Variants in TTC17 observed in about 807,000 individuals in gnomAD.
The protein encoded by TTC17 is tetratricopeptide repeat domain 17.
TTC17 carries 58 observed loss-of-function variants against 143.8 expected under a neutral mutation model. That is an observed-to-expected ratio of 0.40 (90% CI 0.33 to 0.50). The LOEUF is 0.50. Among genes scored for constraint, TTC17 ranks in the 20% least tolerant of loss-of-function variants. The pLI, the probability that TTC17 is intolerant of heterozygous loss-of-function variation, is 0.49. For missense variants in TTC17, 1,273 were observed against 1,392.5 expected (o/e 0.91, Z 1.37); for synonymous variants, 501 against 497.8 (o/e 1.01, Z -0.09).
At chr11:43,467,473 TCATAGAGA>T (rs1947999215) in intron 21 of TTC17, among the ~76,000 whole-genome samples, 1 of 152,226 alleles carries the variant, frequency 6.6e-6, no homozygotes, top group East Asian at 1.9e-4. Context: ...GTAGTCATAT[TCATAGAGA>T]CAGAAAATAG....
At position 43,400,157 on chromosome 11, in the gene TTC17, G is replaced by A. The variant is rs182919930; in HGVS notation, c.1219+109G>A. On this transcript the variant is annotated intron_variant, in intron 9 of 23. Coordinates refer to ENST00000039989, the MANE Select transcript of TTC17 (RefSeq NM_018259.6). ...TAAAGCAGTGTGAAGTTGTGTTTAT[G>A]ACTTCCCTACATCTCGAAAGCATGA... 16 of 1,231,834 alleles carry A rather than the reference G, an allele frequency of 1.3e-5. No homozygotes were observed. The African/African-American group carries it at 2.5e-4, about 19-fold the overall frequency. 76.3% of individuals were successfully genotyped at this position (1,231,834 alleles called of 1,614,324 possible). A position where few individuals can be genotyped will look rare whatever the true frequency, so the allele number is the denominator to read the frequency against.
intron 5 of TTC17, 116 bp from the exon 6 acceptor site, chr11:43,396,593 T>A: frequency 1.9e-6 from 1 of 522,074 alleles, no homozygotes; most frequent in South Asian, 3.4e-5. Flanking sequence ...TCATTCAGTC[T>A]GGCTCTTCTT....
chr11:43,410,302 A>G (rs1434730850), intron 15 of TTC17, among the ~76,000 whole-genome samples: 1 of 152,030 alleles, frequency 6.6e-6, no homozygotes, highest in Non-Finnish European at 1.5e-5. Context: ...TTGCCTTTTT[A>G]TCTTAGCATT....
intron 22 of TTC17, 62 bp downstream of exon 22, chr11:43,490,420 A>G (rs1418350178): frequency 1.9e-5 from 28 of 1,512,498 alleles, no homozygotes; most frequent in Admixed American, 7.5e-5. Flanking sequence ...CCCATGGTTT[A>G]TTCTGCCCTT....
intron 13 of TTC17, 140 bp downstream of exon 13, chr11:43,406,091 T>TTAAA: frequency 9.1e-7 from 1 of 1,103,200 alleles, no homozygotes; most frequent in Non-Finnish European, 1.3e-6. Context: ...AAAGAATTGG[T>TTAAA]GAAATGATGG....
chr11:43,376,571 CCT>C (rs1248635769), intron 1 of TTC17, among the ~76,000 whole-genome samples: 2 of 152,174 alleles, frequency 1.3e-5, no homozygotes, highest in Non-Finnish European at 2.9e-5. Context: ...TTTTAACCTA[CCT>C]CTCTGTAATT....
chr11:43,407,094 C>G lies in TTC17; in HGVS notation c.1762-44C>G, dbSNP rs752041031. Reference sequence around the variant, plus strand: ...TATAGAAATTCTTTTCAAATGTCTTCCCTGTTATTTTCAATTGAGTCAGTC... The same window carrying G: ...TATAGAAATTCTTTTCAAATGTCTTGCCTGTTATTTTCAATTGAGTCAGTC... On this transcript the variant is annotated intron_variant, in intron 13 of 23. Transcript: ENST00000039989. The G allele has an allele frequency of 7.4e-6, 10 of 1,359,762 alleles. No homozygotes were observed. The East Asian group carries it at 2.3e-4, about 31-fold the overall frequency. 84.2% of individuals were successfully genotyped at this position (1,359,762 alleles called of 1,614,324 possible).
At chr11:43,449,205 A>T (rs1005427914) in intron 19 of TTC17, 33 of 152,272 alleles carry the variant, frequency 2.2e-4, no homozygotes, top group African/African-American at 7.5e-4. Flanking sequence ...AATGCTATTT[A>T]AAGTGGACCA....
chr11:43,389,926 T>A, intron 3 of TTC17, 105 bp downstream of exon 3: 1 of 1,061,318 alleles, frequency 9.4e-7, no homozygotes, highest in Non-Finnish European at 1.3e-6. Context: ...CAATCACAGA[T>A]GAGTTTTCGA....
intron 21 of TTC17, among the ~76,000 whole-genome samples, chr11:43,452,561 CA>C (rs1947683574): frequency 1.3e-5 from 2 of 151,852 alleles, no homozygotes; most frequent in Non-Finnish European, 2.9e-5. Context: ...TAGGAAAAAG[CA>C]GCAAAACTTA....
At chr11:43,374,048 G>A (rs1042742737) in intron 1 of TTC17, among the ~76,000 whole-genome samples, 4 of 152,152 alleles carry the variant, frequency 2.6e-5, no homozygotes, top group African/African-American at 9.7e-5. Context: ...TCTAATAAAT[G>A]TGGCAGAGTA....
rs1947115347 is a variant in TTC17, at chr11:43,429,896, T to A, written c.2252-13429T>A. Among the ~76,000 whole-genome samples the A allele has an allele frequency of 1.3e-5, 2 of 152,130 alleles. 1 individual carries two copies. Among genetic ancestry groups the A allele is most frequent in the South Asian group, 4.1e-4 (2 of 4,826 alleles). On this transcript the variant is annotated intron_variant, in intron 16 of 23. Transcript: ENST00000039989. ...AGGCAGAAGAAAGTAGACTGTAGAG[T>A]ATAATATAAGCCTGTTGGAGCAGGG...
At chr11:43,461,700 A>T (rs1302336756) in intron 21 of TTC17, among the ~76,000 whole-genome samples, 1 of 152,192 alleles carries the variant, frequency 6.6e-6, no homozygotes, top group Non-Finnish European at 1.5e-5. Flanking sequence ...ATAATGGTAC[A>T]CCCTGAGGAG....
Position 43,453,488 on chromosome 11 carries a change from G to A in TTC17, c.3030+2223G>A, listed in dbSNP as rs577544182. ...GAATACTTAAAGAATAAAAAAAGAG[G>A]AGCTATGGATTTTATATGCTACCAA... On this transcript the variant is annotated intron_variant, in intron 21 of 23. Coordinates refer to ENST00000039989, the MANE Select transcript of TTC17 (RefSeq NM_018259.6). Among the ~76,000 whole-genome samples the A allele has an allele frequency of 3.9e-5, 6 of 152,154 alleles. No homozygotes were observed. In the East Asian group the frequency reaches 1.2e-3, roughly 29 times the overall value.
chr11:43,404,478 TTTA>T (rs1360565167), intron 11 of TTC17, among the ~76,000 whole-genome samples: 1 of 152,218 alleles, frequency 6.6e-6, no homozygotes, highest in Non-Finnish European at 1.5e-5. Context: ...TCGGCATTCT[TTTA>T]TTGAACTCCC....
At chr11:43,463,064 C>T (rs535910424) in intron 21 of TTC17, among the ~76,000 whole-genome samples, 14 of 151,886 alleles carry the variant, frequency 9.2e-5, no homozygotes, top group Admixed American at 6.5e-4. Flanking sequence ...TACAGGCGTG[C>T]GCCACCACAC....
intron 21 of TTC17, among the ~76,000 whole-genome samples, chr11:43,478,936 C>G (rs978993973): frequency 3.9e-5 from 6 of 152,148 alleles, no homozygotes; most frequent in Non-Finnish European, 7.4e-5. Context: ...GCCAGGAGTG[C>G]AGCTTTTAAA....
At chr11:43,464,710 GA>G (rs1024402258) in intron 21 of TTC17, among the ~76,000 whole-genome samples, 43 of 151,588 alleles carry the variant, frequency 2.8e-4, no homozygotes, top group African/African-American at 1.0e-3. Context: ...GAATTATAAA[GA>G]GGAAAAAAAT....
Position 43,404,009 on chromosome 11 carries a change from T to C in TTC17, c.1344T>C (p.Asp448=). Residue 448 remains aspartate (D), a synonymous_variant, in exon 11 of 24, where the codon GAT becomes GAC. Coordinates refer to ENST00000039989, the MANE Select transcript of TTC17 (RefSeq NM_018259.6). ...GTTTCATTTTCTAGTTTGGTGAGGA[T>C]TCATCAACCTCCAGTATGATGTCTG... is the stretch of plus-strand genomic sequence containing the variant. ...ENVDYVQFGE[D]SSTSSMMSVN... 1 of 1,604,712 alleles carries C rather than the reference T, an allele frequency of 6.2e-7. No individual in the cohort carries two copies. The highest frequency in any genetic ancestry group is 8.5e-7 in the Non-Finnish European group (1 of 1,176,652).
Sources: allele counts gnomAD v4.1 joint callset (sites outside exome capture counted in the v4.1 genomes callset), GRCh38; gene constraint gnomAD v4.1.1; transcripts MANE v1.5; gene names NCBI Gene and HGNC (gene_info 2026-07-23, HGNC 2026-07-21).